CIT: variants seen among roughly 807,000 people sequenced by gnomAD.
The protein encoded by CIT is citron Rho-interacting kinase.
Under a neutral mutation model 272.7 loss-of-function variants are expected in CIT, and 79 were observed. The ratio of observed to expected loss-of-function variants is 0.29; its 90% CI spans 0.24 to 0.35. The LOEUF (loss-of-function observed/expected upper bound fraction) is 0.35, where lower values mean the gene tolerates loss of function less well. Among genes scored for constraint, CIT ranks in the 10% least tolerant of loss-of-function variants. CIT has a pLI of 1.00. For missense variants in CIT, 1,909 were observed against 2,618.3 expected (o/e 0.73, Z 5.91); for synonymous variants, 948 against 995.6 (o/e 0.95, Z 0.90).
intron 23 of CIT, chr12:119,742,866 GAC>G (rs56003708): frequency 0.056 from 8,430 of 151,734 alleles, 336 homozygotes; most frequent in African/African-American, 0.12. Flanking sequence ...CCTACTCCCT[GAC>G]ACACACACAC....
At chr12:119,717,195 G>A (rs1396591375) in intron 32 of CIT, among the ~76,000 whole-genome samples, 1 of 152,114 alleles carries the variant, frequency 6.6e-6, no homozygotes. Context: ...TGGGATTACA[G>A]GCATGCACCA....
In CIT at chr12:119,710,526, C is replaced by T; in HGVS notation, c.4935+14G>A. On this transcript the variant is annotated intron_variant, in intron 38 of 47. Coordinates refer to ENST00000392521, the MANE Select transcript of CIT (RefSeq NM_001206999.2). The surrounding 1 kb of genome is among the most constrained non-coding windows in gnomAD (Gnocchi z 5.6). Reference sequence around the variant, plus strand: ...TAACCAGACACCAGCTGGCCGTGCCCATGCAAGCATTACCTGGTCACTGAA... The same window carrying T: ...TAACCAGACACCAGCTGGCCGTGCCTATGCAAGCATTACCTGGTCACTGAA... The T allele has an allele frequency of 6.2e-7, 1 of 1,614,018 alleles. No individual in the cohort carries two copies. The highest frequency in any genetic ancestry group is 8.5e-7 in the Non-Finnish European group (1 of 1,179,848).
At position 119,712,797 on chromosome 12, in the gene CIT, G is replaced by A; in HGVS notation, c.4580-102C>T. 1 of 926,228 alleles carries A rather than the reference G, an allele frequency of 1.1e-6. No individual in the cohort carries two copies. 57.4% of individuals were successfully genotyped at this position (926,228 alleles called of 1,614,324 possible). A position where few individuals can be genotyped will look rare whatever the true frequency, so the allele number is the denominator to read the frequency against. ...AGACAGCAAGGGAGAGAGAGACAGGGTACGTGTGTAAAGAGAGGCGCACGA... is the reference window on the plus strand; with the variant it reads ...AGACAGCAAGGGAGAGAGAGACAGGATACGTGTGTAAAGAGAGGCGCACGA... On this transcript the variant is annotated intron_variant, in intron 35 of 47. Transcript: ENST00000392521. This position sits in a 1 kb window ranked among gnomAD's most constrained non-coding sequence, Gnocchi z 5.2.
At chr12:119,781,143 G>A (rs775548836) in intron 13 of CIT, among the ~76,000 whole-genome samples, 2 of 152,284 alleles carry the variant, frequency 1.3e-5, no homozygotes, top group East Asian at 3.9e-4. Context: ...TTGATAAAAG[G>A]AGCATGAGTC....
intron 23 of CIT, among the ~76,000 whole-genome samples, chr12:119,750,489 G>C (rs1186845149): frequency 6.6e-6 from 1 of 152,036 alleles, no homozygotes; most frequent in Non-Finnish European, 1.5e-5. Context: ...CAAATTTTGG[G>C]GGCATGATGT....
Position 119,876,019 on chromosome 12 carries a change from A to T in CIT, c.96+54T>A, listed in dbSNP as rs1435757671. On this transcript the variant is annotated intron_variant, in intron 2 of 47. Coordinates refer to ENST00000392521, the MANE Select transcript of CIT (RefSeq NM_001206999.2). ...TAAATAAAAGCAAAGGTGAGTGACA[A>T]GGAGATTCCAAGGACACACACAGGT... is the stretch of plus-strand genomic sequence containing the variant. 2.9e-6 allele frequency: 3 copies of T among 1,051,786 alleles called. No individual in the cohort carries two copies. The East Asian group carries it at 7.2e-5, about 25-fold the overall frequency. 65.2% of individuals were successfully genotyped at this position (1,051,786 alleles called of 1,614,324 possible). A position where few individuals can be genotyped will look rare whatever the true frequency, so the allele number is the denominator to read the frequency against.
intron 13 of CIT, among the ~76,000 whole-genome samples, chr12:119,780,491 C>T (rs977253007): frequency 9.9e-5 from 15 of 152,040 alleles, no homozygotes; most frequent in Non-Finnish European, 1.8e-4. Context: ...GCGGCGTGCA[C>T]CTGTAGTCCC....
chr12:119,767,229 C>T (rs920644311), intron 18 of CIT, 47 bp from the exon 19 acceptor site: 18 of 1,357,434 alleles, frequency 1.3e-5, no homozygotes, highest in African/African-American at 4.4e-5. Context: ...GGCAGGACAC[C>T]GCCAATGCAC....
chr12:119,781,625 G>A (rs2137682360), intron 13 of CIT, among the ~76,000 whole-genome samples: 1 of 152,074 alleles, frequency 6.6e-6, no homozygotes, highest in Non-Finnish European at 1.5e-5. Flanking sequence ...AAACAATGAG[G>A]CAATACAAAA....
intron 2 of CIT, among the ~76,000 whole-genome samples, chr12:119,874,777 G>C (rs545530384): frequency 6.6e-6 from 1 of 151,582 alleles, no homozygotes. Context: ...TCCCAGCTAC[G>C]TGGGAGGCTG....
intron 5 of CIT, among the ~76,000 whole-genome samples, chr12:119,839,215 G>A (rs2138166438): frequency 6.6e-6 from 1 of 152,290 alleles, no homozygotes; most frequent in South Asian, 2.1e-4. Flanking sequence ...TTGAAACGAA[G>A]GACAAATGTG....
chr12:119,787,373 G>A (rs539604601), intron 10 of CIT, among the ~76,000 whole-genome samples: 13 of 151,964 alleles, frequency 8.6e-5, no homozygotes, highest in Admixed American at 5.2e-4. Context: ...CAAGGCTACA[G>A]TGAGCTACGA....
chr12:119,851,878 C>T (rs1220033003), intron 4 of CIT, among the ~76,000 whole-genome samples: 1 of 151,982 alleles, frequency 6.6e-6, no homozygotes, highest in Non-Finnish European at 1.5e-5. Flanking sequence ...CTCTACAATA[C>T]AAAAAGTAGC....
intron 46 of CIT, among the ~76,000 whole-genome samples, chr12:119,691,171 CAAAAAA>C (rs35222584): frequency 1.4e-5 from 1 of 70,256 alleles, no homozygotes; most frequent in Non-Finnish European, 2.7e-5. Context: ...GACTCCGTCT[CAAAAAA>C]AAAAAAAAAA....
intron 13 of CIT, among the ~76,000 whole-genome samples, chr12:119,777,319 C>T (rs1462919899): frequency 1.3e-5 from 2 of 151,392 alleles, no homozygotes; most frequent in African/African-American, 4.9e-5. Context: ...AATGAGGCAC[C>T]AAGTAGGCAA....
At chr12:119,870,634 A>G (rs10774519) in intron 2 of CIT, among the ~76,000 whole-genome samples, 28,128 of 150,900 alleles carry the variant, frequency 0.19, 2,991 homozygotes, top group East Asian at 0.4. Context: ...CTTGGGCTAG[A>G]CCAGGGGTGT....
At chr12:119,723,688 T>C (rs11064887) in intron 28 of CIT, among the ~76,000 whole-genome samples, 1,529 of 152,194 alleles carry the variant, frequency 0.01, 34 homozygotes, top group African/African-American at 0.034. Context: ...CAAGAAAAAC[T>C]TCAGTAGGGC....
intron 7 of CIT, among the ~76,000 whole-genome samples, chr12:119,826,344 G>A (rs1968157081): frequency 6.6e-6 from 1 of 152,094 alleles, no homozygotes; most frequent in African/African-American, 2.4e-5. Flanking sequence ...GGCAAAGAAA[G>A]ATTAGGACAA....
At chr12:119,740,508 T>C (rs1332647963) in intron 24 of CIT, among the ~76,000 whole-genome samples, 4 of 152,098 alleles carry the variant, frequency 2.6e-5, no homozygotes, top group East Asian at 1.9e-4. Flanking sequence ...CATCAGATTA[T>C]AGTACACCAA....
Sources: gnomAD v4.1 joint callset for allele counts (sites outside exome capture counted in the v4.1 genomes callset) on GRCh38, gnomAD v4.1.1 for gene constraint, Gnocchi (gnomAD v3.1) non-coding constraint, MANE v1.5 for transcripts, NCBI Gene and HGNC (gene_info 2026-07-23, HGNC 2026-07-21) for gene names.